ZNF469: variants seen among roughly 807,000 people sequenced by gnomAD.
The protein encoded by ZNF469 is zinc finger protein 469.
Under a neutral mutation model 1.0 loss-of-function variants are expected in ZNF469, and 1 was observed. The observed-to-expected ratio is 1.00, with a 90% confidence interval of 0.35 to 4.73. The LOEUF is 4.73. ZNF469 is among the 30% of genes most tolerant of loss of function. ZNF469 has a pLI of 0.16. For missense variants in ZNF469, 6,100 were observed against 5,356.3 expected (o/e 1.14, Z -4.33); for synonymous variants, 2,703 against 2,363.4 (o/e 1.14, Z -4.17).
chr16:88,273,645 T>G, the ZNF469 span, among the ~76,000 whole-genome samples: 1 of 152,346 alleles, frequency 6.6e-6, no homozygotes, highest in South Asian at 2.1e-4. Context: ...GCCACTTTTG[T>G]GTACATACCC....
the ZNF469 span, among the ~76,000 whole-genome samples, chr16:88,214,205 C>T: frequency 2.4e-4 from 37 of 152,250 alleles, no homozygotes; most frequent in African/African-American, 8.4e-4. Flanking sequence ...GGATAGGATA[C>T]CCCCCGAAGG....
chr16:88,151,324 C>A, the ZNF469 span, among the ~76,000 whole-genome samples: 2 of 152,250 alleles, frequency 1.3e-5, no homozygotes, highest in Non-Finnish European at 2.9e-5. This position sits in a 1 kb window ranked among gnomAD's most constrained non-coding sequence, Gnocchi z 5.4. Flanking sequence ...ACGTGGTCAG[C>A]CAGCCTGATG....
chr16:88,115,770 G>A, the ZNF469 span, among the ~76,000 whole-genome samples: 25 of 151,818 alleles, frequency 1.6e-4, no homozygotes, highest in African/African-American at 4.8e-4. Context: ...TACTCCCTCC[G>A]GAGGCTCTGG....
the ZNF469 span, among the ~76,000 whole-genome samples, chr16:88,132,589 G>C: frequency 0.033 from 5,032 of 151,876 alleles, no homozygotes; most frequent in African/African-American, 0.11. Flanking sequence ...CTACCGTCAG[G>C]AAAACATTTT....
chr16:88,305,266 TCACA>T, the ZNF469 span, among the ~76,000 whole-genome samples: 7 of 128,802 alleles, frequency 5.4e-5, no homozygotes, highest in Non-Finnish European at 6.6e-5. Flanking sequence ...ATGCACACCC[TCACA>T]CACATGCTCT....
chr16:88,111,126 C>G, the ZNF469 span, among the ~76,000 whole-genome samples: 1 of 152,232 alleles, frequency 6.6e-6, no homozygotes, highest in African/African-American at 2.4e-5. Flanking sequence ...CCGCACCGCC[C>G]CATGTCAAAC....
the ZNF469 span, among the ~76,000 whole-genome samples, chr16:88,358,215 C>T: frequency 2.0e-5 from 3 of 152,302 alleles, no homozygotes; most frequent in Middle Eastern, 6.8e-3. Context: ...CCCAGCTAAG[C>T]AAACAGACTC....
chr16:88,428,299 T>C lies in ZNF469; in HGVS notation c.829T>C (p.Phe277Leu). 5 of 1,550,316 alleles carry C rather than the reference T, an allele frequency of 3.2e-6. No individual in the cohort carries two copies. The highest frequency in any genetic ancestry group is 4.4e-6 in the Non-Finnish European group (5 of 1,146,918). Residue 277 changes from phenylalanine to leucine, a missense_variant, in exon 3 of 3, where the codon TTC becomes CTC. Transcript: ENST00000565624. ...SPRGVSFQFP[F>L]PALHGASTKP... The stretch of plus-strand genomic sequence containing the variant: ...CAGGGGAGTTTCCTTCCAGTTCCCC[T>C]TCCCGGCACTGCATGGGGCCAGCAC...
At chr16:88,415,047 G>A (rs776360068) in intron 1 of ZNF469, among the ~76,000 whole-genome samples, 5 of 152,218 alleles carry the variant, frequency 3.3e-5, no homozygotes, top group Non-Finnish European at 7.3e-5. Context: ...AGAGACTCCG[G>A]TCCCGGGTGC....
chr16:88,423,298 G>C (rs1046952444), intron 1 of ZNF469, among the ~76,000 whole-genome samples: 1 of 151,984 alleles, frequency 6.6e-6, no homozygotes, highest in African/African-American at 2.4e-5. Context: ...TGGATAGGTG[G>C]GTGGATGGAT....
chr16:88,199,929 G>A, the ZNF469 span, among the ~76,000 whole-genome samples: 1 of 152,206 alleles, frequency 6.6e-6, no homozygotes, highest in African/African-American at 2.4e-5. Flanking sequence ...CATGTCCCAT[G>A]ACCCTTCTCT....
chr16:88,282,499 G>A, the ZNF469 span, among the ~76,000 whole-genome samples: 4 of 152,134 alleles, frequency 2.6e-5, no homozygotes, highest in South Asian at 8.3e-4. Context: ...CGCTGTGGAG[G>A]TAATCATCCT....
At chr16:88,199,832 C>A in the ZNF469 span, among the ~76,000 whole-genome samples, 1 of 152,202 alleles carries the variant, frequency 6.6e-6, no homozygotes, top group Non-Finnish European at 1.5e-5. Flanking sequence ...GGGGCTCAGG[C>A]AGAGGCGCTG....
the ZNF469 span, among the ~76,000 whole-genome samples, chr16:88,250,224 C>T: frequency 6.6e-6 from 1 of 152,214 alleles, no homozygotes; most frequent in Non-Finnish European, 1.5e-5. Flanking sequence ...CTCTCCTCTT[C>T]ACTAAAGGGC....
chr16:88,240,232 G>A, the ZNF469 span, among the ~76,000 whole-genome samples: 1 of 152,230 alleles, frequency 6.6e-6, no homozygotes, highest in African/African-American at 2.4e-5. Flanking sequence ...TCTCACACGG[G>A]TTTCTTTCAC....
At chr16:88,166,800 CAA>C in the ZNF469 span, among the ~76,000 whole-genome samples, 4 of 151,576 alleles carry the variant, frequency 2.6e-5, no homozygotes, top group African/African-American at 9.7e-5. The surrounding 1 kb of genome is among the most constrained non-coding windows in gnomAD (Gnocchi z 4.5). Context: ...CACACACACA[CAA>C]ATACATATAA....
At chr16:88,362,472 C>T in the ZNF469 span, among the ~76,000 whole-genome samples, 17 of 152,132 alleles carry the variant, frequency 1.1e-4, no homozygotes, top group Admixed American at 9.8e-4. Flanking sequence ...TGCTTTTATC[C>T]AAAAATATCA....
At chr16:88,342,661 G>A in the ZNF469 span, among the ~76,000 whole-genome samples, 17 of 152,304 alleles carry the variant, frequency 1.1e-4, no homozygotes, top group East Asian at 2.9e-3. Context: ...CCTGTAACTT[G>A]GGGACAGACC....
the ZNF469 span, among the ~76,000 whole-genome samples, chr16:88,365,690 G>A: frequency 9.2e-5 from 14 of 152,306 alleles, no homozygotes; most frequent in African/African-American, 3.1e-4. Flanking sequence ...CCAGGAGCGG[G>A]TCCACTCCAT....
Sources: gnomAD v4.1 joint callset for allele counts (sites outside exome capture counted in the v4.1 genomes callset) on GRCh38, gnomAD v4.1.1 for gene constraint, Gnocchi (gnomAD v3.1) non-coding constraint, MANE v1.5 for transcripts, NCBI Gene and HGNC (gene_info 2026-07-23, HGNC 2026-07-21) for gene names.